The following GPR137C variants were observed in gnomAD, a reference collection of about 807,000 sequenced individuals.
The protein encoded by GPR137C is G protein-coupled receptor 137C.
Under a neutral mutation model 43.4 loss-of-function variants are expected in GPR137C, and 27 were observed. The observed-to-expected ratio is 0.62, with a 90% CI of 0.46 to 0.86. The LOEUF is 0.86. Ranked by LOEUF, GPR137C falls within the 40% of genes least tolerant of loss-of-function variation. The pLI, the probability that GPR137C is intolerant of heterozygous loss-of-function variation, is 0.00. For synonymous variants in GPR137C, 285 were observed against 226.9 expected (o/e 1.26, Z -2.30); for missense variants, 522 against 534.6 (o/e 0.98, Z 0.23).
At chr14:52,566,149 A>G (rs908118175) in intron 1 of GPR137C, among the ~76,000 whole-genome samples, 1 of 152,334 alleles carries the variant, frequency 6.6e-6, no homozygotes, top group South Asian at 2.1e-4. Context: ...TTTAGGACCC[A>G]GGGATCATCA....
intron 3 of GPR137C, chr14:52,613,135 A>C (rs2039057334): frequency 6.6e-6 from 1 of 151,864 alleles, no homozygotes; most frequent in Non-Finnish European, 1.5e-5. Context: ...AGTCCCAGCT[A>C]ATCGGGAGGC....
At chr14:52,606,876 A>G (rs984494774) in intron 3 of GPR137C, among the ~76,000 whole-genome samples, 8 of 151,780 alleles carry the variant, frequency 5.3e-5, no homozygotes, top group Admixed American at 1.3e-4. Context: ...CTTGAGATAC[A>G]TTATTAGATT....
At chr14:52,595,673 C>A (rs1379060012) in intron 1 of GPR137C, among the ~76,000 whole-genome samples, 3 of 152,184 alleles carry the variant, frequency 2.0e-5, no homozygotes, top group Admixed American at 6.5e-5. Flanking sequence ...TCCATCAGGT[C>A]ATTTAAGGTC....
intron 3 of GPR137C, among the ~76,000 whole-genome samples, chr14:52,630,637 T>C (rs1299280788): frequency 1.3e-5 from 2 of 152,166 alleles, no homozygotes; most frequent in Non-Finnish European, 2.9e-5. Flanking sequence ...GTTCTTTCTT[T>C]TCATATACCT....
At chr14:52,562,022 C>T (rs901905354) in intron 1 of GPR137C, among the ~76,000 whole-genome samples, 7 of 152,132 alleles carry the variant, frequency 4.6e-5, no homozygotes, top group African/African-American at 1.4e-4. Flanking sequence ...GCAATTTACT[C>T]CAAGAATAAA....
chr14:52,600,212 G>C lies in GPR137C; in HGVS notation c.588G>C (p.Gln196His). The C allele has an allele frequency of 6.2e-7, 1 of 1,613,796 alleles. No homozygotes were observed. The highest frequency in any genetic ancestry group is 8.5e-7 in the Non-Finnish European group (1 of 1,179,742). ...TTCATGGAGATGTCCCAGAAAATCAGTTGAAGTGGACTGTGTTTGTTCGAG... is the reference window on the plus strand; with the variant it reads ...TTCATGGAGATGTCCCAGAAAATCACTTGAAGTGGACTGTGTTTGTTCGAG... ...MLVHGDVPEN[Q>H]LKWTVFVRAL... is the part of the protein sequence containing the mutation. Residue 196 changes from glutamine to histidine, a missense_variant, in exon 3 of 7, where the codon CAG becomes CAC. Around this residue, in one of 3 missense-constraint regions of GPR137C, gnomAD observed 437 missense variants for 425.7 expected, o/e 1.03. Coordinates refer to ENST00000321662, the MANE Select transcript of GPR137C (RefSeq NM_001099652.2).
At chr14:52,601,992 A>C (rs1189704467) in intron 3 of GPR137C, among the ~76,000 whole-genome samples, 1 of 151,534 alleles carries the variant, frequency 6.6e-6, no homozygotes, top group African/African-American at 2.4e-5. Context: ...TAAAGTTTTA[A>C]ATTTAAAAGC....
In GPR137C at chr14:52,572,448, C is replaced by A. The variant is rs577818195; in HGVS notation, c.444+18857C>A. On this transcript the variant is annotated intron_variant, in intron 1 of 6. Coordinates refer to ENST00000321662, the MANE Select transcript of GPR137C (RefSeq NM_001099652.2). ...GAATGCAAGGCTGGTTCAACATATG[C>A]AAATCAATAAACATAATTCATCACA... 1.4e-4 allele frequency among the ~76,000 whole-genome samples: 22 copies of A among 152,292 alleles called. No homozygotes were observed. The South Asian group carries it at 3.3e-3, about 23-fold the overall frequency.
At chr14:52,592,160 C>T (rs2038792856) in intron 1 of GPR137C, among the ~76,000 whole-genome samples, 1 of 152,080 alleles carries the variant, frequency 6.6e-6, no homozygotes, top group Admixed American at 6.6e-5. Flanking sequence ...TTTCTGAGGG[C>T]TCTGTTCTGT....
Position 52,634,946 on chromosome 14 carries a change from AT to A in GPR137C, c.1123del (p.Ser375ArgfsTer10). The A allele has an allele frequency of 6.2e-7, 1 of 1,612,076 alleles. No homozygotes were observed. Among genetic ancestry groups the A allele is most frequent in the Non-Finnish European group, 8.5e-7 (1 of 1,179,150 alleles). On this transcript the variant is annotated frameshift_variant, in exon 7 of 7. Coordinates refer to ENST00000321662, the MANE Select transcript of GPR137C (RefSeq NM_001099652.2). LOFTEE classifies it high-confidence loss of function. ...CCTTTTTTTTGTTGCAGTTTACCAAATTCGCAAAGTTTGGGCTGGTATGGCA... is the reference window on the plus strand; with the variant it reads ...CCTTTTTTTTGTTGCAGTTTACCAAATCGCAAAGTTTGGGCTGGTATGGCA... ...LGSSREGSLP[N>X]SQSLGWYGTM...
rs1165396756 is a variant in GPR137C at position 52,558,349 on chromosome 14, T to A, written c.444+4758T>A. Among the ~76,000 whole-genome samples, 3 of 152,174 alleles carry A rather than the reference T, an allele frequency of 2.0e-5. No individual in the cohort carries two copies. In the East Asian group the frequency reaches 5.8e-4, roughly 29 times the overall value. ...ACCTTCAGTGGATCAGCTAGGAAAA[T>A]AAGCAGGTCCTCAGAGCTAGATAGG... On this transcript the variant is annotated intron_variant, in intron 1 of 6. Transcript: ENST00000321662.
chr14:52,565,047 G>A (rs2038345880), intron 1 of GPR137C, among the ~76,000 whole-genome samples: 1 of 152,192 alleles, frequency 6.6e-6, no homozygotes, highest in African/African-American at 2.4e-5. Context: ...TGGTGAATCG[G>A]AAAGCACGTG....
intron 1 of GPR137C, among the ~76,000 whole-genome samples, chr14:52,593,651 G>A (rs565162458): frequency 6.7e-4 from 102 of 152,162 alleles, no homozygotes; most frequent in Non-Finnish European, 1.3e-3. Context: ...ATGGTAGTTT[G>A]TAATTCTGTG....
chr14:52,580,772 G>A (rs1273699191), intron 1 of GPR137C, among the ~76,000 whole-genome samples: 1 of 146,142 alleles, frequency 6.8e-6, no homozygotes, highest in Non-Finnish European at 1.5e-5. Flanking sequence ...ATATTTTTTA[G>A]TATATATATC....
chr14:52,566,999 A>G (rs1170362896), intron 1 of GPR137C, among the ~76,000 whole-genome samples: 1 of 152,168 alleles, frequency 6.6e-6, no homozygotes, highest in Admixed American at 6.5e-5. Context: ...TGTAATCTCA[A>G]CTACTTGGGA....
intron 3 of GPR137C, among the ~76,000 whole-genome samples, chr14:52,628,004 GTTTAA>G (rs1016651423): frequency 5.9e-5 from 9 of 152,182 alleles, no homozygotes; most frequent in African/African-American, 2.2e-4. Flanking sequence ...GGAACTTTTA[GTTTAA>G]TTTAAATGTA....
Position 52,596,271 on chromosome 14 carries a change from C to A in GPR137C, c.445-2001C>A, listed in dbSNP as rs574658578. ...GGAGGTGTCTCCCAGTCAGGCTACA[C>A]GGGTCAGGGACCCACTTGAGGAGGC... On this transcript the variant is annotated intron_variant, in intron 1 of 6. Coordinates refer to ENST00000321662, the MANE Select transcript of GPR137C (RefSeq NM_001099652.2). Among the ~76,000 whole-genome samples the A allele has an allele frequency of 2.0e-5, 3 of 152,318 alleles. No individual in the cohort carries two copies. In the East Asian group the frequency reaches 5.8e-4, roughly 29 times the overall value.
chr14:52,570,355 A>G (rs1400849602), intron 1 of GPR137C, among the ~76,000 whole-genome samples: 1 of 152,182 alleles, frequency 6.6e-6, no homozygotes, highest in Admixed American at 6.5e-5. Flanking sequence ...AGCACTAAAT[A>G]TGGAAAGGAA....
chr14:52,634,466 T>C (rs2039329759), intron 6 of GPR137C, among the ~76,000 whole-genome samples: 1 of 152,132 alleles, frequency 6.6e-6, no homozygotes, highest in African/African-American at 2.4e-5. Flanking sequence ...TGGCTTCAGC[T>C]TGATATGACA....
Sources: allele counts gnomAD v4.1 joint callset (sites outside exome capture counted in the v4.1 genomes callset), GRCh38; gene constraint gnomAD v4.1.1; regional missense constraint gnomAD v4.1.1; transcripts MANE v1.5; gene names NCBI Gene and HGNC (gene_info 2026-07-23, HGNC 2026-07-21).